MYB: variants seen among roughly 807,000 people sequenced by gnomAD.
MYB encodes the protein transcriptional activator Myb.
MYB carries 28 observed loss-of-function variants against 92.9 expected under a neutral mutation model. The observed-to-expected ratio is 0.30, with a 90% CI of 0.22 to 0.41. MYB has a LOEUF of 0.41. MYB is among the 10% of genes least tolerant of loss of function. MYB has a pLI of 1.00. For missense variants in MYB, 679 were observed against 929.3 expected (o/e 0.73, Z 3.50); for synonymous variants, 295 against 329.1 (o/e 0.90, Z 1.12).
chr6:135,206,379 CA>C lies in MYB; in HGVS notation c.2169+3057del, dbSNP rs1180597337. ...TACCCCTGCACTCTAGCCTGGGAGACAAGACCAAGACCTTGTCTCTAAAAAA... is the reference window on the plus strand; with the variant it reads ...TACCCCTGCACTCTAGCCTGGGAGACAGACCAAGACCTTGTCTCTAAAAAA... On this transcript the variant is annotated intron_variant, in intron 15 of 15. Coordinates refer to ENST00000341911, the MANE Select transcript of MYB (RefSeq NM_001130173.2). 9.3e-5 allele frequency among the ~76,000 whole-genome samples: 14 copies of C among 150,868 alleles called. No individual in the cohort carries two copies. In the South Asian group the frequency reaches 1.3e-3, roughly 14 times the overall value.
At position 135,218,869 on chromosome 6, in the gene MYB, C is replaced by T. The variant is rs972763290; in HGVS notation, c.*889C>T. 4.4e-5 allele frequency: 10 copies of T among 227,454 alleles called. No individual in the cohort carries two copies. The highest frequency in any genetic ancestry group is 7.0e-5 in the Non-Finnish European group (8 of 114,298). 14.1% of individuals were successfully genotyped at this position (227,454 alleles called of 1,614,324 possible). ...GTTATTGTTGGTTTATACAAGCATG[C>T]GTTGCACTTCTTTTTTGGGAGATGT... On this transcript the variant is annotated 3_prime_UTR_variant, in exon 16 of 16. Transcript: ENST00000341911.
intron 15 of MYB, among the ~76,000 whole-genome samples, chr6:135,206,225 A>AAATAATAATAAT (rs1269845019): frequency 1.0e-4 from 10 of 96,644 alleles, no homozygotes; most frequent in African/African-American, 3.7e-4. Flanking sequence ...AAAAAAAAAA[A>AAATAATAATAAT]AATAATAATA....
chr6:135,195,149 C>T (rs927045033), intron 8 of MYB: 10 of 1,148,620 alleles, frequency 8.7e-6, no homozygotes, highest in East Asian at 6.1e-5. Context: ...CATGCTAGTT[C>T]GACCACTTTT....
At position 135,192,434 on chromosome 6, in the gene MYB, G is replaced by A; in HGVS notation, c.638G>A (p.Ser213Asn). The part of the protein sequence containing the change: ...SKASQPAVAT[S>N]FQKNSHLMGF... ...GCCAGCCAGCCAGCAGTGGCCACAAGCTTCCAGAAGAACAGTCATTTGATG... is the reference window on the plus strand; with the variant it reads ...GCCAGCCAGCCAGCAGTGGCCACAAACTTCCAGAAGAACAGTCATTTGATG... The change falls in exon 6 of 16, where the codon AGC becomes AAC. Residue 213 changes from serine (S) to asparagine (N), a missense_variant. Coordinates refer to ENST00000341911, the MANE Select transcript of MYB (RefSeq NM_001130173.2). The A allele has an allele frequency of 1.9e-6, 3 of 1,614,248 alleles. No homozygotes were observed. Among genetic ancestry groups the A allele is most frequent in the Non-Finnish European group, 8.5e-7 (1 of 1,180,044 alleles).
chr6:135,192,586 A>G, intron 6 of MYB, 28 bp downstream of exon 6: 1 of 1,594,346 alleles, frequency 6.3e-7, no homozygotes, highest in Non-Finnish European at 8.6e-7. Flanking sequence ...ATCTAGTTTA[A>G]TGAGAGAGAC....
chr6:135,202,769 T>C, intron 14 of MYB: 2 of 376,074 alleles, frequency 5.3e-6, no homozygotes, highest in Non-Finnish European at 1.0e-5. Context: ...GGGATGGTGC[T>C]GGGTTGGAAC....
rs1040992601 is a variant in MYB at position 135,203,498 on chromosome 6, A to C, written c.2169+174A>C. The C allele has an allele frequency of 5.9e-6, 4 of 675,782 alleles. No homozygotes were observed. In the African/African-American group the frequency reaches 7.3e-5, roughly 12 times the overall value. 41.9% of individuals were successfully genotyped at this position (675,782 alleles called of 1,614,324 possible). On this transcript the variant is annotated intron_variant, in intron 15 of 15. Transcript: ENST00000341911. ...AATTCTTGATGTCTAGAAAAATCCA[A>C]TAATTCCTTTTTGCTACTCATATGA...
At chr6:135,199,627 A>C in intron 11 of MYB, 2 of 742,662 alleles carry the variant, frequency 2.7e-6, no homozygotes, top group Non-Finnish European at 3.4e-6. Context: ...AATTCAGAGA[A>C]ATGGTAGAGA....
chr6:135,209,780 T>C lies in MYB; in HGVS notation c.2169+6456T>C, dbSNP rs9402697. Among the ~76,000 whole-genome samples the C allele has an allele frequency of 1.6e-3, 244 of 152,352 alleles. 9 individuals are homozygous for C. In the East Asian group the frequency reaches 0.042, roughly 26 times the overall value. On this transcript the variant is annotated intron_variant, in intron 15 of 15. Transcript: ENST00000341911. ...AAAAGCAAACAGGATATTCTTATAA[T>C]AAAAATGTTCTGAGATGTTTTTCAT...
chr6:135,195,651 T>C, intron 8 of MYB, 97 bp from the exon 9 acceptor site: 1 of 1,374,100 alleles, frequency 7.3e-7, no homozygotes, highest in Non-Finnish European at 1.0e-6. Context: ...TTATCTTTCC[T>C]CCAACAGCAT....
chr6:135,197,241 G>C lies in MYB; in HGVS notation c.1484G>C (p.Cys495Ser), dbSNP rs1777454238. The part of the protein sequence containing the change: ...GQASPLATGD[C>S]SSFIFADVSS... ...GCCAGCCCCTTAGCCACTGGAGACT[G>C]TAGCTCCTTCATATTTGCTGACGTC... is the stretch of plus-strand genomic sequence containing the variant. Residue 495 changes from cysteine to serine, a missense_variant, in exon 10 of 16, where the codon TGT (cysteine) becomes TCT (serine). Coordinates refer to ENST00000341911, the MANE Select transcript of MYB (RefSeq NM_001130173.2). The C allele has an allele frequency of 3.7e-6, 6 of 1,613,828 alleles. No homozygotes were observed. The highest frequency in any genetic ancestry group is 5.1e-6 in the Non-Finnish European group (6 of 1,179,770).
At chr6:135,203,885 C>T in intron 15 of MYB, 1 of 1,184,992 alleles carries the variant, frequency 8.4e-7, no homozygotes, top group Non-Finnish European at 1.1e-6. Flanking sequence ...AAAGAGATTT[C>T]CCTTGTAACC....
intron 6 of MYB, 70 bp downstream of exon 6, chr6:135,192,628 T>C (rs1776760166): frequency 6.9e-7 from 1 of 1,450,820 alleles, no homozygotes; most frequent in Admixed American, 1.7e-5. Flanking sequence ...TAATCATACT[T>C]TGCAGTTGTA....
At position 135,218,180 on chromosome 6, in the gene MYB, A is replaced by G. The variant is rs1383351327; in HGVS notation, c.*200A>G. 2 of 509,820 alleles carry G rather than the reference A, an allele frequency of 3.9e-6. No homozygotes were observed. The highest frequency in any genetic ancestry group is 6.9e-6 in the Non-Finnish European group (2 of 287,944). The allele number at this position is 509,820 out of a possible 1,614,324, so 31.6% of individuals were successfully genotyped here. On this transcript the variant is annotated 3_prime_UTR_variant, in exon 16 of 16. Transcript: ENST00000341911. ...CAACTAAAAGGATTTTTAAAAATAA[A>G]TAACAGTCTTACCTAAATTATTAGG...
In MYB at chr6:135,198,994, T is replaced by C. The variant is rs533326501; in HGVS notation, c.1653T>C (p.Thr551=). 2 of 1,612,412 alleles carry C rather than the reference T, an allele frequency of 1.2e-6. No individual in the cohort carries two copies. The highest frequency in any genetic ancestry group is 2.2e-5 in the South Asian group (2 of 91,002). Residue 551 remains threonine, a synonymous_variant, in exon 11 of 16, where the codon ACT becomes ACC. Transcript: ENST00000341911. ...TSTPLIGHKL[T]VTTPFHRDQT... The stretch of plus-strand genomic sequence containing the variant: ...CCCCCCTCATTGGTCACAAATTGAC[T>C]GTTACAACACCATTTCATAGAGACC...
In MYB at chr6:135,200,084, GT is replaced by G; in HGVS notation, c.1713del (p.Phe571LeufsTer11). 6.2e-7 allele frequency: 1 copy of G among 1,612,560 alleles called. No individual in the cohort carries two copies. The highest frequency in any genetic ancestry group is 8.5e-7 in the Non-Finnish European group (1 of 1,178,652). ...QTVKTQKENT[V>X]FRTPAIKRSI... ...AGCCACTGCTTGTTTTCTTTTTAAA[GT>G]TTTAGAACCCCAGCTATCAAAAGGT... On this transcript the variant is annotated frameshift_variant and splice_region_variant, in exon 12 of 16. Coordinates refer to ENST00000341911, the MANE Select transcript of MYB (RefSeq NM_001130173.2). LOFTEE classifies it high-confidence loss of function.
chr6:135,188,467 C>T (rs1180791755), intron 3 of MYB, among the ~76,000 whole-genome samples: 1 of 151,696 alleles, frequency 6.6e-6, no homozygotes, highest in Non-Finnish European at 1.5e-5. Flanking sequence ...CTGGCTTCCC[C>T]ACTTGTAGTT....
chr6:135,191,216 T>C (rs527240136), intron 5 of MYB, among the ~76,000 whole-genome samples: 2 of 152,346 alleles, frequency 1.3e-5, no homozygotes, highest in South Asian at 4.1e-4. Flanking sequence ...TAATAATGCT[T>C]TCTTTTTAAT....
chr6:135,194,559 A>G (rs750485922), intron 8 of MYB, 99 bp downstream of exon 8: 44 of 805,868 alleles, frequency 5.5e-5, no homozygotes, highest in Non-Finnish European at 6.6e-5. Context: ...GCAAGGCTCC[A>G]TATATCCATT....
Sources: gnomAD v4.1 joint callset for allele counts (sites outside exome capture counted in the v4.1 genomes callset) on GRCh38, gnomAD v4.1.1 for gene constraint, MANE v1.5 for transcripts, NCBI Gene and HGNC (gene_info 2026-07-23, HGNC 2026-07-21) for gene names.